COL21A1: variants seen among roughly 807,000 people sequenced by gnomAD.
COL21A1 encodes the protein collagen type XXI alpha 1 chain.
In COL21A1, 149 loss-of-function variants were observed where a neutral mutation model predicts 137.9. The observed-to-expected ratio is 1.08, with a 90% confidence interval of 0.95 to 1.24. COL21A1 has a LOEUF of 1.24. Ranked by LOEUF, COL21A1 falls within the 50% of genes most tolerant of loss-of-function variation. COL21A1 has a pLI of 0.00. For missense variants in COL21A1, 1,167 were observed against 1,158.4 expected, an observed-to-expected ratio of 1.01 and a Z score of -0.11; for synonymous variants, 456 against 391.5, an observed-to-expected ratio of 1.16 and a Z score of -1.95.
At chr6:56,327,173 T>A (rs530176007) in intron 1 of COL21A1, among the ~76,000 whole-genome samples, 19 of 152,064 alleles carry the variant, frequency 1.2e-4, no homozygotes, top group South Asian at 4.1e-4. Context: ...AATTATTTTT[T>A]AAATTCAACA....
intron 1 of COL21A1, among the ~76,000 whole-genome samples, chr6:56,329,809 T>C (rs1248414547): frequency 6.6e-6 from 1 of 152,102 alleles, no homozygotes; most frequent in African/African-American, 2.4e-5. Flanking sequence ...TATATCAGCA[T>C]GTGATTCTTA....
At chr6:56,126,254 A>C (rs1359403073) in intron 12 of COL21A1, 105 bp from the exon 13 acceptor site, 3 of 682,738 alleles carry the variant, frequency 4.4e-6, no homozygotes, top group African/African-American at 1.9e-5. Context: ...CTTCAAATCT[A>C]TCTGCAAACA....
intron 1 of COL21A1, among the ~76,000 whole-genome samples, chr6:56,234,952 A>G (rs1781808388): frequency 6.6e-6 from 1 of 151,698 alleles, no homozygotes; most frequent in Admixed American, 6.6e-5. Flanking sequence ...GCTTCCACTC[A>G]AGGACTTCAG....
At chr6:56,094,034 T>C (rs1215517944) in intron 17 of COL21A1, among the ~76,000 whole-genome samples, 1 of 152,182 alleles carries the variant, frequency 6.6e-6, no homozygotes, top group Non-Finnish European at 1.5e-5. Context: ...TTTTAACATC[T>C]TTTGTAATCT....
intron 10 of COL21A1, among the ~76,000 whole-genome samples, chr6:56,147,080 C>T (rs1774890809): frequency 6.6e-6 from 1 of 152,108 alleles, no homozygotes. Flanking sequence ...TTAGGTTACA[C>T]TTAAACTTAT....
At chr6:56,204,720 T>C (rs1183409115) in intron 1 of COL21A1, among the ~76,000 whole-genome samples, 1 of 152,122 alleles carries the variant, frequency 6.6e-6, no homozygotes, top group Admixed American at 6.5e-5. Flanking sequence ...AGACACCTCA[T>C]ACAGGAGAGC....
upstream of COL21A1, among the ~76,000 whole-genome samples, chr6:56,250,275 A>G (rs1562024665): frequency 6.6e-6 from 1 of 152,246 alleles, no homozygotes. Context: ...AAGGTTTTAA[A>G]TGAATTAACA....
chr6:56,183,967 T>A (rs1778092779), intron 1 of COL21A1, among the ~76,000 whole-genome samples: 1 of 152,004 alleles, frequency 6.6e-6, no homozygotes, highest in South Asian at 2.1e-4. Context: ...AACTTGAGGA[T>A]AAGTCAATAG....
At chr6:56,322,841 C>G (rs374244562) in intron 1 of COL21A1, among the ~76,000 whole-genome samples, 1 of 143,184 alleles carries the variant, frequency 7.0e-6, no homozygotes, top group African/African-American at 2.6e-5. Flanking sequence ...TTTCAATAAT[C>G]TGATAACCCA....
At chr6:56,284,386 T>G (rs965779092) in intron 1 of COL21A1, among the ~76,000 whole-genome samples, 9 of 152,198 alleles carry the variant, frequency 5.9e-5, no homozygotes, top group Admixed American at 4.6e-4. Context: ...AAAAGTGATC[T>G]TCACACTTGA....
chr6:56,382,987 T>A (rs565945390), intron 1 of COL21A1, among the ~76,000 whole-genome samples: 43 of 152,226 alleles, frequency 2.8e-4, no homozygotes, highest in South Asian at 6.2e-4. Context: ...AGTCCTAACC[T>A]TTGCTAATAA....
At chr6:56,201,301 T>C (rs1362132743) in intron 1 of COL21A1, among the ~76,000 whole-genome samples, 1 of 152,172 alleles carries the variant, frequency 6.6e-6, no homozygotes, top group Admixed American at 6.5e-5. Context: ...AGAAGCTCTT[T>C]AGTTTAATTA....
intron 1 of COL21A1, among the ~76,000 whole-genome samples, chr6:56,220,657 A>G (rs888854828): frequency 3.9e-5 from 6 of 152,186 alleles, no homozygotes; most frequent in African/African-American, 1.4e-4. Context: ...GAAACTTGCT[A>G]CCTTCTAAAC....
chr6:56,088,416 C>T (rs1768469313), intron 17 of COL21A1, among the ~76,000 whole-genome samples: 1 of 152,078 alleles, frequency 6.6e-6, no homozygotes, highest in African/African-American at 2.4e-5. Flanking sequence ...ATTAGTATGC[C>T]TTTCTTATAG....
chr6:56,333,564 G>A (rs1765277855), intron 1 of COL21A1, among the ~76,000 whole-genome samples: 1 of 151,964 alleles, frequency 6.6e-6, no homozygotes, highest in African/African-American at 2.4e-5. Context: ...CTAGTTTTGG[G>A]CTATTACAAA....
intron 1 of COL21A1, chr6:56,332,225 C>T (rs777042722): frequency 2.0e-5 from 3 of 151,850 alleles, no homozygotes; most frequent in Non-Finnish European, 4.4e-5. Context: ...TGTAGATTGC[C>T]TTGTGCAGTA....
chr6:56,293,418 G>T (rs1764098453), intron 1 of COL21A1, among the ~76,000 whole-genome samples: 1 of 152,008 alleles, frequency 6.6e-6, no homozygotes, highest in Non-Finnish European at 1.5e-5. Flanking sequence ...GTAGATGAAT[G>T]AGCTGATGAA....
At chr6:56,235,549 G>A (rs2152320735) in intron 1 of COL21A1, among the ~76,000 whole-genome samples, 1 of 151,996 alleles carries the variant, frequency 6.6e-6, no homozygotes, top group African/African-American at 2.4e-5. Context: ...AGCTGTACTA[G>A]GCTGACATCA....
rs1766537159 is a variant in COL21A1, at chr6:56,069,380, CT to C, written c.2020-264del. Among the ~76,000 whole-genome samples, 3 of 151,296 alleles carry C rather than the reference CT, an allele frequency of 2.0e-5. No individual in the cohort carries two copies. The Middle Eastern group carries it at 0.01, about 522-fold the overall frequency. On this transcript the variant is annotated intron_variant, in intron 21 of 29. Transcript: ENST00000244728. Reference sequence around the variant, plus strand: ...GTAAATATTTGTTATTTTTATGATACTTTATAATTTCAATAATAAACGAAAT... The same window carrying C: ...GTAAATATTTGTTATTTTTATGATACTTATAATTTCAATAATAAACGAAAT...
Sources: allele counts gnomAD v4.1 joint callset (sites outside exome capture counted in the v4.1 genomes callset), GRCh38; gene constraint gnomAD v4.1.1; transcripts MANE v1.5; gene names NCBI Gene and HGNC (gene_info 2026-07-23, HGNC 2026-07-21).